ZNF469: variants seen among roughly 807,000 people sequenced by gnomAD.
The protein encoded by ZNF469 is zinc finger protein 469.
Under a neutral mutation model 1.0 loss-of-function variants are expected in ZNF469, and 1 was observed. That is an observed-to-expected ratio of 1.00 (90% CI 0.35 to 4.73). ZNF469 has a LOEUF of 4.73. Ranked by LOEUF, ZNF469 falls within the 30% of genes most tolerant of loss-of-function variation. The pLI is 0.16. For synonymous variants in ZNF469, 2,703 were observed against 2,363.4 expected (o/e 1.14, Z -4.17); for missense variants, 6,100 against 5,356.3 (o/e 1.14, Z -4.33).
At chr16:88,326,750 C>G in the ZNF469 span, among the ~76,000 whole-genome samples, 1 of 152,212 alleles carries the variant, frequency 6.6e-6, no homozygotes, top group Non-Finnish European at 1.5e-5. Flanking sequence ...CCAGAACAAT[C>G]CCAGATCAGA....
chr16:88,244,028 G>A, the ZNF469 span, among the ~76,000 whole-genome samples: 291 of 143,262 alleles, frequency 2.0e-3, 3 homozygotes, highest in African/African-American at 7.1e-3. Context: ...GTGAGTGCAC[G>A]GATCATCGGT....
chr16:88,270,848 G>A, the ZNF469 span, among the ~76,000 whole-genome samples: 1 of 152,360 alleles, frequency 6.6e-6, no homozygotes, highest in Non-Finnish European at 1.5e-5. Context: ...GATCAGTGCC[G>A]TTGGCTTGAG....
chr16:88,291,241 C>T, the ZNF469 span, among the ~76,000 whole-genome samples: 1 of 152,202 alleles, frequency 6.6e-6, no homozygotes, highest in African/African-American at 2.4e-5. Flanking sequence ...GCTTCCTGTT[C>T]AGACTTTTCT....
the ZNF469 span, among the ~76,000 whole-genome samples, chr16:88,140,768 C>T: frequency 6.6e-6 from 1 of 152,072 alleles, no homozygotes; most frequent in Non-Finnish European, 1.5e-5. Flanking sequence ...CCCACCTCTA[C>T]TAAAAAATAC....
chr16:88,255,721 T>C, the ZNF469 span, among the ~76,000 whole-genome samples: 2 of 152,246 alleles, frequency 1.3e-5, no homozygotes, highest in Non-Finnish European at 2.9e-5. Context: ...TGAGAGGGGC[T>C]TCTGGCCAAT....
At chr16:88,110,124 A>T in the ZNF469 span, among the ~76,000 whole-genome samples, 9 of 152,208 alleles carry the variant, frequency 5.9e-5, no homozygotes, top group Non-Finnish European at 1.0e-4. Context: ...AAAGACATGA[A>T]ATCATTAACA....
At chr16:88,379,673 C>T (rs1160977987), upstream of ZNF469, among the ~76,000 whole-genome samples, 1 of 152,174 alleles carries the variant, frequency 6.6e-6, no homozygotes, top group African/African-American at 2.4e-5. Context: ...CAGCTAGATG[C>T]CAGAGGTAGC....
At chr16:88,281,155 G>T in the ZNF469 span, among the ~76,000 whole-genome samples, 1 of 142,562 alleles carries the variant, frequency 7.0e-6, no homozygotes, top group Admixed American at 7.3e-5. Context: ...CTGATGCTTG[G>T]TCAGTACTGT....
At chr16:88,154,622 C>T in the ZNF469 span, among the ~76,000 whole-genome samples, 1 of 152,348 alleles carries the variant, frequency 6.6e-6, no homozygotes, top group African/African-American at 2.4e-5. Flanking sequence ...GGAGCTGAGG[C>T]TCAGAGAGAA....
the ZNF469 span, among the ~76,000 whole-genome samples, chr16:88,353,569 C>G: frequency 6.6e-6 from 1 of 152,202 alleles, no homozygotes; most frequent in African/African-American, 2.4e-5. Flanking sequence ...GAGAGGCTCC[C>G]GGAGCCCATT....
Position 88,430,170 on chromosome 16 carries a change from G to A in ZNF469, c.2700G>A (p.Pro900=), listed in dbSNP as rs747652441. The A allele has an allele frequency of 1.3e-6, 2 of 1,548,684 alleles. No homozygotes were observed. The highest frequency in any genetic ancestry group is 2.4e-5 in the East Asian group (1 of 40,890). ...CTCCAGAGAGCAAAGCTCCGCCCCC[G>A]CTCCCAGCAGCCACGCCGGACCCCC... The part of the protein sequence containing the change: ...GVTPESKAPP[P]LPAATPDPQT... The change falls in exon 3 of 3, where the codon CCG becomes CCA. Residue 900 remains proline (P), a synonymous_variant. Transcript: ENST00000565624.
chr16:88,133,966 G>T, the ZNF469 span, among the ~76,000 whole-genome samples: 1 of 152,126 alleles, frequency 6.6e-6, no homozygotes, highest in Admixed American at 6.5e-5. Flanking sequence ...ATGGTGGTGG[G>T]CGCCTGTCAT....
rs922829971 is a variant in ZNF469, at chr16:88,440,587, T to G, written c.*1255T>G. 1 of 152,190 alleles carries G rather than the reference T, an allele frequency of 6.6e-6. No individual in the cohort carries two copies. Among genetic ancestry groups the G allele is most frequent in the African/African-American group, 2.4e-5 (1 of 41,442 alleles). 9.4% of individuals were successfully genotyped at this position (152,190 alleles called of 1,614,324 possible). ...ACGTCAAAAGTTTTTATTTTGATAT[T>G]TGAAAGAGACCAAATCAGGCCCAGA... On this transcript the variant is annotated 3_prime_UTR_variant, in exon 3 of 3. Transcript: ENST00000565624.
At chr16:88,205,776 T>C in the ZNF469 span, among the ~76,000 whole-genome samples, 1 of 152,188 alleles carries the variant, frequency 6.6e-6, no homozygotes, top group Non-Finnish European at 1.5e-5. The surrounding 1 kb of genome is among the most constrained non-coding windows in gnomAD (Gnocchi z 4.2). Context: ...CTGGGTTTTC[T>C]GAGCAGTCAT....
At chr16:88,414,812 C>T (rs1045735623) in intron 1 of ZNF469, among the ~76,000 whole-genome samples, 2 of 152,264 alleles carry the variant, frequency 1.3e-5, no homozygotes, top group African/African-American at 4.8e-5. Flanking sequence ...CCACGCAGGA[C>T]AGCCCCGCCC....
At chr16:88,383,810 GC>G (rs2092531390) in intron 1 of ZNF469, among the ~76,000 whole-genome samples, 1 of 152,238 alleles carries the variant, frequency 6.6e-6, no homozygotes, top group East Asian at 1.9e-4. Context: ...GAGCTTTGGA[GC>G]CCACCCTGGG....
At chr16:88,326,295 C>T in the ZNF469 span, among the ~76,000 whole-genome samples, 3 of 152,328 alleles carry the variant, frequency 2.0e-5, no homozygotes, top group Admixed American at 6.5e-5. Flanking sequence ...CAAACTCATT[C>T]TTTTTGCCTG....
upstream of ZNF469, among the ~76,000 whole-genome samples, chr16:88,381,538 C>T (rs914658250): frequency 2.0e-5 from 3 of 152,192 alleles, no homozygotes; most frequent in Admixed American, 2.0e-4. Flanking sequence ...GCCAGGGGAC[C>T]CCTGGCCCTT....
the ZNF469 span, among the ~76,000 whole-genome samples, chr16:88,301,311 C>A: frequency 6.6e-6 from 1 of 152,176 alleles, no homozygotes; most frequent in African/African-American, 2.4e-5. Flanking sequence ...CCCGCTACCA[C>A]GCCTGGCTAA....
Sources: allele counts gnomAD v4.1 joint callset (sites outside exome capture counted in the v4.1 genomes callset), GRCh38; gene constraint gnomAD v4.1.1; non-coding constraint Gnocchi (gnomAD v3.1); transcripts MANE v1.5; gene names NCBI Gene and HGNC (gene_info 2026-07-23, HGNC 2026-07-21).